SAR1B: variants seen among roughly 807,000 people sequenced by gnomAD.
SAR1B encodes small COPII coat GTPase SAR1B.
In SAR1B, 23 loss-of-function variants were observed where a neutral mutation model predicts 26.8. The observed-to-expected ratio is 0.86, with a 90% CI of 0.62 to 1.22. SAR1B has a LOEUF of 1.22. Among genes scored for constraint, SAR1B ranks in the 50% most tolerant of loss-of-function variants. The pLI, the probability that SAR1B is intolerant of heterozygous loss-of-function variation, is 0.00. For synonymous variants in SAR1B, 65 were observed against 80.8 expected (o/e 0.80, Z 1.05); for missense variants, 196 against 232.8 (o/e 0.84, Z 1.03).
intron 3 of SAR1B, among the ~76,000 whole-genome samples, chr5:134,620,664 C>T (rs1430826983): frequency 6.6e-6 from 1 of 152,102 alleles, no homozygotes; most frequent in African/African-American, 2.4e-5. Context: ...AGTTCAAGAC[C>T]ACCCTGGGAA....
chr5:134,604,741 T>G lies in SAR1B; in HGVS notation c.*2209A>C, dbSNP rs1765101291. On this transcript the variant is annotated 3_prime_UTR_variant, in exon 7 of 7. Coordinates refer to ENST00000402673, the MANE Select transcript of SAR1B (RefSeq NM_016103.4). ...TACACCAGAAAGCATTTTTCCTGGC[T>G]AGAGAAACCAGTATGTTTTTTTTTC... The G allele has an allele frequency of 6.6e-6, 1 of 152,212 alleles. No individual in the cohort carries two copies. Among genetic ancestry groups the G allele is most frequent in the Non-Finnish European group, 1.5e-5 (1 of 68,040 alleles). The allele number at this position is 152,212 out of a possible 1,614,324, so 9.4% of individuals were successfully genotyped here. A position where few individuals can be genotyped will look rare whatever the true frequency, so the allele number is the denominator to read the frequency against.
intron 1 of SAR1B, among the ~76,000 whole-genome samples, chr5:134,626,991 T>C (rs1276452860): frequency 6.6e-6 from 1 of 152,168 alleles, no homozygotes; most frequent in East Asian, 1.9e-4. Flanking sequence ...TAAAAGCAAA[T>C]TTTAAAAAGC....
At chr5:134,609,333 T>C (rs1437364019) in intron 5 of SAR1B, among the ~76,000 whole-genome samples, 1 of 152,188 alleles carries the variant, frequency 6.6e-6, no homozygotes, top group Non-Finnish European at 1.5e-5. Context: ...CAGGGTGAGC[T>C]TCTTAAGTCT....
chr5:134,616,799 C>T (rs992518565), intron 3 of SAR1B, among the ~76,000 whole-genome samples: 4 of 152,168 alleles, frequency 2.6e-5, no homozygotes, highest in African/African-American at 9.7e-5. Flanking sequence ...CTTTTTATGA[C>T]CAGCTTCTGC....
At chr5:134,627,534 C>T (rs1169472117) in intron 1 of SAR1B, among the ~76,000 whole-genome samples, 4 of 150,424 alleles carry the variant, frequency 2.7e-5, no homozygotes, top group Non-Finnish European at 5.9e-5. Context: ...CGTGGTGGCT[C>T]ACGCCTGTAA....
At chr5:134,626,395 T>C (rs540261103) in intron 1 of SAR1B, among the ~76,000 whole-genome samples, 1 of 152,006 alleles carries the variant, frequency 6.6e-6, no homozygotes, top group Non-Finnish European at 1.5e-5. Flanking sequence ...TGTTTTTTTA[T>C]TGTTATTTTA....
chr5:134,632,447 G>A (rs954482564), intron 1 of SAR1B, among the ~76,000 whole-genome samples: 1 of 152,156 alleles, frequency 6.6e-6, no homozygotes, highest in Non-Finnish European at 1.5e-5. Context: ...GAGGCCCAGG[G>A]GAAGGAAGGG....
In SAR1B at chr5:134,605,265, G is replaced by A. The variant is rs1765107105; in HGVS notation, c.*1685C>T. 6.6e-6 allele frequency: 1 copy of A among 152,060 alleles called. No individual in the cohort carries two copies. The highest frequency in any genetic ancestry group is 2.1e-4 in the South Asian group (1 of 4,822). 9.4% of individuals were successfully genotyped at this position (152,060 alleles called of 1,614,324 possible). On this transcript the variant is annotated 3_prime_UTR_variant, in exon 7 of 7. Coordinates refer to ENST00000402673, the MANE Select transcript of SAR1B (RefSeq NM_016103.4). ...TTTTGATATTAAAATTATTCTTGAT[G>A]GAATTGGTTAAATATACTATAAAAC...
intron 3 of SAR1B, among the ~76,000 whole-genome samples, chr5:134,619,650 C>T (rs1256541494): frequency 6.6e-6 from 1 of 152,072 alleles, no homozygotes; most frequent in Non-Finnish European, 1.5e-5. Flanking sequence ...AGACATGAGC[C>T]ACCACACCCA....
rs1041121182 is a variant in SAR1B, at chr5:134,615,760, T to G, written c.179-3004A>C. Reference sequence around the variant, plus strand: ...TGAACGCGGGAGGCGGAGCTTGCAGTGAGCCGAGATTGCACCACTGCACTC... The same window carrying G: ...TGAACGCGGGAGGCGGAGCTTGCAGGGAGCCGAGATTGCACCACTGCACTC... On this transcript the variant is annotated intron_variant, in intron 3 of 6. Transcript: ENST00000402673. Among the ~76,000 whole-genome samples, 29 of 152,028 alleles carry G rather than the reference T, an allele frequency of 1.9e-4. 1 individual carries two copies. The East Asian group carries it at 5.5e-3, about 29-fold the overall frequency.
Position 134,628,906 on chromosome 5 carries a change from G to A in SAR1B, c.-19+3822C>T, listed in dbSNP as rs113617717. Among the ~76,000 whole-genome samples, 669 of 152,020 alleles carry A rather than the reference G, an allele frequency of 4.4e-3. 4 individuals are homozygous for A. The highest frequency in any genetic ancestry group is 0.015 in the African/African-American group (629 of 41,488). On this transcript the variant is annotated intron_variant, in intron 1 of 6. Transcript: ENST00000402673. The stretch of plus-strand genomic sequence containing the variant: ...CCTGACCTCGAGATCCACTCGCCTC[G>A]GTGTCCCAAAGTGCTGGGATTACAG...
intron 2 of SAR1B, among the ~76,000 whole-genome samples, chr5:134,622,069 C>G (rs1021970241): frequency 6.6e-5 from 10 of 152,160 alleles, no homozygotes; most frequent in African/African-American, 2.4e-4. Context: ...CACAAAATTA[C>G]ATGTGAGCCA....
intron 3 of SAR1B, among the ~76,000 whole-genome samples, chr5:134,619,175 C>T (rs1411624783): frequency 3.4e-5 from 5 of 148,934 alleles, no homozygotes; most frequent in Non-Finnish European, 7.4e-5. Flanking sequence ...ACTAAAAATA[C>T]AAAACATTAG....
chr5:134,612,640 C>A (rs1227455720), intron 4 of SAR1B, 51 bp downstream of exon 4: 10 of 898,170 alleles, frequency 1.1e-5, no homozygotes, highest in Non-Finnish European at 1.4e-5. Context: ...GTGAGCCTGT[C>A]TAAAAAAAAA....
At chr5:134,622,600 C>T (rs1475078410) in intron 2 of SAR1B, among the ~76,000 whole-genome samples, 6 of 150,594 alleles carry the variant, frequency 4.0e-5, no homozygotes, top group South Asian at 2.1e-4. Flanking sequence ...TTAGTAGAGA[C>T]GGGGTTTCAC....
At chr5:134,623,819 A>G in intron 2 of SAR1B, 143 bp downstream of exon 2, 1 of 661,046 alleles carries the variant, frequency 1.5e-6, no homozygotes, top group South Asian at 1.7e-5. Context: ...TGAGTAATTG[A>G]ACATCTATGT....
At chr5:134,629,453 C>T (rs923529626) in intron 1 of SAR1B, among the ~76,000 whole-genome samples, 7 of 152,130 alleles carry the variant, frequency 4.6e-5, no homozygotes, top group Non-Finnish European at 8.8e-5. Flanking sequence ...AATCCCAGCA[C>T]TTTGGGAGGC....
chr5:134,608,428 T>C lies in SAR1B; in HGVS notation c.424A>G (p.Ile142Val), dbSNP rs769272710. The C allele has an allele frequency of 1.9e-6, 3 of 1,610,556 alleles. No homozygotes were observed. The highest frequency in any genetic ancestry group is 2.2e-5 in the East Asian group (1 of 44,850). ...ATCTCTCGCAACCTCTCTTCACTGATGGCTTCAGGTCTGTCGATCTTATTC... is the reference window on the plus strand; with the variant it reads ...ATCTCTCGCAACCTCTCTTCACTGACGGCTTCAGGTCTGTCGATCTTATTC... ...LGNKIDRPEA[I>V]SEERLREMFG... The change falls in exon 6 of 7, where the codon ATC becomes GTC. Residue 142 changes from isoleucine (I) to valine (V), a missense_variant. By Grantham distance (29) the Ile-to-Val change is conservative. Transcript: ENST00000402673.
At chr5:134,612,482 TAAG>T (rs1323467956) in intron 4 of SAR1B, among the ~76,000 whole-genome samples, 1 of 151,434 alleles carries the variant, frequency 6.6e-6, no homozygotes, top group African/African-American at 2.4e-5. Context: ...CCATCTCTAC[TAAG>T]AATACAAAAA....
Sources: gnomAD v4.1 joint callset for allele counts (sites outside exome capture counted in the v4.1 genomes callset) on GRCh38, gnomAD v4.1.1 for gene constraint, MANE v1.5 for transcripts, NCBI Gene and HGNC (gene_info 2026-07-23, HGNC 2026-07-21) for gene names.